The following SH3RF2 variants were observed in gnomAD, a reference collection of about 807,000 sequenced individuals.
The protein encoded by SH3RF2 is SH3 domain containing ring finger 2.
SH3RF2 carries 43 observed loss-of-function variants against 59.0 expected under a neutral mutation model. The ratio of observed to expected loss-of-function variants is 0.73; its 90% confidence interval spans 0.57 to 0.94. The LOEUF (loss-of-function observed/expected upper bound fraction) is 0.94, where lower values mean the gene tolerates loss of function less well. SH3RF2 is among the 40% of genes least tolerant of loss of function. The probability of loss-of-function intolerance (pLI) is 0.00; values close to 1 mark genes in which losing one functional copy is unlikely to be tolerated. For synonymous variants in SH3RF2, 391 were observed against 391.5 expected (o/e 1.00, Z 0.01); for missense variants, 930 against 940.1 (o/e 0.99, Z 0.14).
chr5:145,945,129 CTATT>C (rs1376127249), intron 2 of SH3RF2, among the ~76,000 whole-genome samples: 1 of 152,090 alleles, frequency 6.6e-6, no homozygotes, highest in Non-Finnish European at 1.5e-5. Flanking sequence ...GATGTATTGT[CTATT>C]TAGTTATAGT....
intron 2 of SH3RF2, chr5:145,997,747 T>C: frequency 6.3e-7 from 1 of 1,578,616 alleles, no homozygotes; most frequent in South Asian, 1.1e-5. Context: ...GTTAAATCAT[T>C]GTGGACAAAA....
rs756882799 is a variant in SH3RF2 at position 145,938,157 on chromosome 5, C to T, written c.229C>T (p.Arg77Cys). Reference sequence around the variant, plus strand: ...GCTCGTGCGCCTTCTGGATGGAGTGCGCTCAGGGCAGAGCTCCGGGAGAGG... The same window carrying T: ...GCTCGTGCGCCTTCTGGATGGAGTGTGCTCAGGGCAGAGCTCCGGGAGAGG... ...LLLVRLLDGV[R>C]SGQSSGRGGS... The change falls in exon 2 of 10, where the codon CGC (arginine) becomes TGC (cysteine). Residue 77 changes from arginine (R) to cysteine (C), a missense_variant. Coordinates refer to ENST00000359120, the MANE Select transcript of SH3RF2 (RefSeq NM_152550.4). The T allele has an allele frequency of 1.3e-5, 21 of 1,614,138 alleles. No homozygotes were observed. The highest frequency in any genetic ancestry group is 1.7e-5 in the Non-Finnish European group (20 of 1,180,016).
chr5:146,062,758 T>A lies in SH3RF2; in HGVS notation c.*57T>A, dbSNP rs929586484. ...AGGTGAATTGCATTTAAATACAGTC[T>A]GCCTCCACTGAGGGCATCCTGCCAT... On this transcript the variant is annotated 3_prime_UTR_variant, in exon 10 of 10. Coordinates refer to ENST00000359120, the MANE Select transcript of SH3RF2 (RefSeq NM_152550.4). 6.4e-7 allele frequency: 1 copy of A among 1,560,726 alleles called. No individual in the cohort carries two copies. Among genetic ancestry groups the A allele is most frequent in the African/African-American group, 1.4e-5 (1 of 73,944 alleles).
At position 146,033,907 on chromosome 5, in the gene SH3RF2, C is replaced by T. The variant is rs201390931; in HGVS notation, c.1060-13865C>T. Among the ~76,000 whole-genome samples the T allele has an allele frequency of 5.3e-5, 8 of 152,272 alleles. No individual in the cohort carries two copies. The East Asian group carries it at 1.5e-3, about 29-fold the overall frequency. ...AATATATCCCCATTGTTTGTTGTTA[C>T]GAAAGTCTTATTACCAACAGAAGAG... On this transcript the variant is annotated intron_variant, in intron 5 of 9. Coordinates refer to ENST00000359120, the MANE Select transcript of SH3RF2 (RefSeq NM_152550.4).
intron 4 of SH3RF2, among the ~76,000 whole-genome samples, chr5:146,007,385 C>T (rs1057124889): frequency 6.6e-6 from 1 of 152,196 alleles, no homozygotes; most frequent in African/African-American, 2.4e-5. Flanking sequence ...TGTTCAAGGA[C>T]AGCCCCACTT....
At chr5:145,982,760 G>A (rs1001615623) in intron 2 of SH3RF2, among the ~76,000 whole-genome samples, 4 of 152,176 alleles carry the variant, frequency 2.6e-5, no homozygotes, top group Non-Finnish European at 5.9e-5. Flanking sequence ...ATTCCACCAT[G>A]AGAGCATGTG....
At chr5:146,023,229 G>A (rs7733648) in intron 5 of SH3RF2, among the ~76,000 whole-genome samples, 46,760 of 150,880 alleles carry the variant, frequency 0.31, 8,144 homozygotes, top group Non-Finnish European at 0.39. Flanking sequence ...TCTTTTTTTA[G>A]ACAGAGTCTC....
chr5:146,047,982 C>T, intron 6 of SH3RF2, 119 bp downstream of exon 6: 2 of 909,210 alleles, frequency 2.2e-6, no homozygotes, highest in Non-Finnish European at 3.4e-6. Flanking sequence ...CAATAGGTCG[C>T]CTTCCTTTAC....
intron 2 of SH3RF2, chr5:145,997,423 A>G: frequency 1.5e-6 from 2 of 1,367,692 alleles, no homozygotes; most frequent in Non-Finnish European, 2.1e-6. Flanking sequence ...GCAACTGGTC[A>G]TTATACTGGC....
At chr5:145,945,183 A>G (rs1248263406) in intron 2 of SH3RF2, among the ~76,000 whole-genome samples, 1 of 152,174 alleles carries the variant, frequency 6.6e-6, no homozygotes, top group African/African-American at 2.4e-5. Flanking sequence ...TTACATGCTC[A>G]CTGTAGGATG....
At chr5:146,064,660 GAAAGAGAAAGAAAGAAAGAAAGAAAGAA>G (rs1763013162), downstream of SH3RF2, among the ~76,000 whole-genome samples, 14 of 7,062 alleles carry the variant, frequency 2.0e-3, 1 homozygote, top group Non-Finnish European at 6.3e-3. Context: ...GAGAGAGAGA[GAAAGAGAAAGAAAGAAAGAAAGAAAGAA>G]AGAAAGAAAG....
chr5:146,074,133 G>A (rs1294131358), intron 9 of SH3RF2, among the ~76,000 whole-genome samples: 1 of 147,440 alleles, frequency 6.8e-6, no homozygotes, highest in African/African-American at 2.6e-5. Context: ...TCCGCCTCCC[G>A]GGTTCACGCC....
At chr5:146,004,011 T>C in intron 3 of SH3RF2, 47 bp from the exon 4 acceptor site, 2 of 1,540,186 alleles carry the variant, frequency 1.3e-6, no homozygotes, top group Non-Finnish European at 1.8e-6. Context: ...GAGCTTTTAC[T>C]GCCTGAAAAT....
downstream of SH3RF2, among the ~76,000 whole-genome samples, chr5:146,067,792 C>T (rs897609457): frequency 6.7e-6 from 1 of 148,208 alleles, no homozygotes; most frequent in Non-Finnish European, 1.5e-5. Flanking sequence ...CACACCCACA[C>T]CCCGGTCCTT....
chr5:146,020,377 C>G (rs976471405), intron 5 of SH3RF2, among the ~76,000 whole-genome samples: 2 of 152,140 alleles, frequency 1.3e-5, no homozygotes, highest in Admixed American at 1.3e-4. Context: ...TGCTTTTTGT[C>G]CTTGTACCCA....
At position 146,076,023 on chromosome 5, in the gene SH3RF2, G is replaced by A. The variant is rs147592903; in HGVS notation, c.*34-2437G>A. On this transcript the variant is annotated intron_variant, in intron 9 of 9. Transcript: ENST00000511217. ...AAAAGTCACACCTCCTACCATTGAT[G>A]GGATTTTTTGGGTGCCTATTAAAAT... 1.1e-3 allele frequency among the ~76,000 whole-genome samples: 171 copies of A among 152,194 alleles called. 1 individual carries two copies. The highest frequency in any genetic ancestry group is 0.01 in the Middle Eastern group (3 of 294).
At chr5:145,987,773 A>G (rs1392517183) in intron 2 of SH3RF2, among the ~76,000 whole-genome samples, 3 of 152,260 alleles carry the variant, frequency 2.0e-5, no homozygotes. Context: ...AATGATGACT[A>G]GAGCTGGGAA....
At chr5:145,948,127 C>G (rs533506781) in intron 2 of SH3RF2, among the ~76,000 whole-genome samples, 1 of 152,310 alleles carries the variant, frequency 6.6e-6, no homozygotes, top group African/African-American at 2.4e-5. Context: ...TACAGAATCT[C>G]ATTTAACTCT....
chr5:146,008,723 T>C lies in SH3RF2; in HGVS notation c.744+4570T>C, dbSNP rs571701928. On this transcript the variant is annotated intron_variant, in intron 4 of 9. Transcript: ENST00000359120. Reference sequence around the variant, plus strand: ...GTAAAATTGTTTAACCACACCACAATCAAGACATAGGAGAGTTCCAATAGT... The same window carrying C: ...GTAAAATTGTTTAACCACACCACAACCAAGACATAGGAGAGTTCCAATAGT... 2.6e-5 allele frequency among the ~76,000 whole-genome samples: 4 copies of C among 152,322 alleles called. No homozygotes were observed. In the East Asian group the frequency reaches 7.7e-4, roughly 29 times the overall value.
Sources: gnomAD v4.1 joint callset for allele counts (sites outside exome capture counted in the v4.1 genomes callset) on GRCh38, gnomAD v4.1.1 for gene constraint, MANE v1.5 for transcripts, NCBI Gene and HGNC (gene_info 2026-07-23, HGNC 2026-07-21) for gene names.